ZBTB16: variants seen among roughly 807,000 people sequenced by gnomAD.
ZBTB16 encodes the protein zinc finger and BTB domain containing 16, also known as zinc finger and BTB domain-containing protein 16.
Under a neutral mutation model 56.8 loss-of-function variants are expected in ZBTB16, and 8 were observed. The ratio of observed to expected loss-of-function variants is 0.14; its 90% CI spans 0.08 to 0.25. The LOEUF (loss-of-function observed/expected upper bound fraction) is 0.25, where lower values mean the gene tolerates loss of function less well. Among genes scored for constraint, ZBTB16 ranks in the 10% least tolerant of loss-of-function variants. ZBTB16 has a pLI of 1.00. For synonymous variants in ZBTB16, 363 were observed against 368.5 expected (o/e 0.98, Z 0.17); for missense variants, 625 against 903.0 (o/e 0.69, Z 3.95).
At chr11:114,113,718 C>T (rs1029035413) in intron 2 of ZBTB16, among the ~76,000 whole-genome samples, 19 of 152,198 alleles carry the variant, frequency 1.2e-4, no homozygotes, top group Non-Finnish European at 2.8e-4. Context: ...TTTGAAATCC[C>T]TTATTCTACT....
chr11:114,146,757 G>A (rs1273277387), intron 2 of ZBTB16, among the ~76,000 whole-genome samples: 2 of 151,046 alleles, frequency 1.3e-5, no homozygotes, highest in Non-Finnish European at 1.5e-5. Context: ...GCTGAGGCAC[G>A]AGAATCGCCT....
intron 2 of ZBTB16, among the ~76,000 whole-genome samples, chr11:114,102,468 C>A (rs1415176004): frequency 6.6e-6 from 1 of 152,154 alleles, no homozygotes; most frequent in Non-Finnish European, 1.5e-5. Context: ...TCTCCTTCAT[C>A]ACAGCAGTGG....
At chr11:114,098,355 G>A (rs1379895077) in intron 2 of ZBTB16, among the ~76,000 whole-genome samples, 1 of 152,078 alleles carries the variant, frequency 6.6e-6, no homozygotes, top group East Asian at 1.9e-4. Flanking sequence ...GCGTGTGGGC[G>A]CACTGGCACG....
intron 3 of ZBTB16, among the ~76,000 whole-genome samples, chr11:114,157,253 T>G (rs1294227263): frequency 1.3e-5 from 2 of 152,186 alleles, no homozygotes; most frequent in African/African-American, 4.8e-5. Flanking sequence ...CCAGGCAGTT[T>G]GGCATTTGGG....
chr11:114,066,061 G>A (rs936305326), intron 2 of ZBTB16, among the ~76,000 whole-genome samples: 5 of 152,152 alleles, frequency 3.3e-5, no homozygotes, highest in African/African-American at 9.7e-5. Context: ...TGTCATTGAC[G>A]ACAGCATTTG....
chr11:114,119,262 CT>C (rs1941269973), intron 2 of ZBTB16, among the ~76,000 whole-genome samples: 1 of 45,642 alleles, frequency 2.2e-5, no homozygotes, highest in Admixed American at 3.8e-4. Context: ...GAAACTCTGT[CT>C]CAAAAAAAAA....
chr11:114,213,888 C>T (rs1318767819), intron 4 of ZBTB16, among the ~76,000 whole-genome samples: 1 of 152,108 alleles, frequency 6.6e-6, no homozygotes, highest in Non-Finnish European at 1.5e-5. Context: ...GGGGTTTGAT[C>T]CACCATGAAT....
chr11:114,256,020 TTG>T lies in ZBTB16; in HGVS notation c.*5467_*5468del, dbSNP rs1199899687. 4.8e-5 allele frequency among the ~76,000 whole-genome samples: 2 copies of T among 41,806 alleles called. No individual in the cohort carries two copies. Among genetic ancestry groups the T allele is most frequent in the East Asian group, 2.4e-3 (1 of 420 alleles). The allele number at this position is 41,806 out of a possible 152,430, so 27.4% of individuals were successfully genotyped here. On this transcript the variant is annotated 3_prime_UTR_variant, in exon 7 of 7. Coordinates refer to ENST00000335953, the MANE Select transcript of ZBTB16 (RefSeq NM_006006.6). ...TTTTATTGAAGTACTTGGTTTTGTT[TTG>T]TTTTTTTTTTTTGTTTTTTTTGCCT...
intron 2 of ZBTB16, chr11:114,121,770 G>A (rs2137805783): frequency 2.2e-6 from 1 of 455,278 alleles, no homozygotes. Context: ...TCGCAGTTTT[G>A]TAGCTTTTCA....
At chr11:114,182,658 A>G (rs770897382) in intron 3 of ZBTB16, among the ~76,000 whole-genome samples, 1 of 152,136 alleles carries the variant, frequency 6.6e-6, no homozygotes, top group African/African-American at 2.4e-5. Context: ...TGCTAGGTCC[A>G]TGCGCACCCG....
chr11:114,093,858 A>G (rs1212763586), intron 2 of ZBTB16, among the ~76,000 whole-genome samples: 5 of 152,244 alleles, frequency 3.3e-5, no homozygotes, highest in African/African-American at 9.6e-5. Flanking sequence ...TCTTTGAGAC[A>G]ACATGTCATA....
In ZBTB16 at chr11:114,205,138, G is replaced by A. The variant is rs189304775; in HGVS notation, c.1453+18100G>A. On this transcript the variant is annotated intron_variant, in intron 4 of 6. Transcript: ENST00000335953. ...TGAAAAAAAAATTTCGGCCGGGCGC[G>A]GTGGCTTATGCCTGTAATCCCAGCA... Among the ~76,000 whole-genome samples the A allele has an allele frequency of 4.6e-5, 7 of 152,200 alleles. No homozygotes were observed. In the East Asian group the frequency reaches 1.4e-3, roughly 30 times the overall value.
Position 114,187,034 on chromosome 11 carries a change from T to C in ZBTB16, c.1449T>C (p.His483=), listed in dbSNP as rs781426011. 1 of 1,614,086 alleles carries C rather than the reference T, an allele frequency of 6.2e-7. No homozygotes were observed. The highest frequency in any genetic ancestry group is 1.1e-5 in the South Asian group (1 of 91,082). The change falls in exon 4 of 7, where the codon CAT becomes CAC. Residue 483 remains histidine, a synonymous_variant. Transcript: ENST00000335953. ...EDALETHRQT[H]TGTDMAVFCL... ...CCCTGGAGACACACAGGCAGACCCATACTGGTGAGTTGACTTGGATTCCTG... is the reference window on the plus strand; with the variant it reads ...CCCTGGAGACACACAGGCAGACCCACACTGGTGAGTTGACTTGGATTCCTG...
At chr11:114,167,041 C>T (rs10891634) in intron 3 of ZBTB16, among the ~76,000 whole-genome samples, 1 of 152,222 alleles carries the variant, frequency 6.6e-6, no homozygotes, top group African/African-American at 2.4e-5. Flanking sequence ...CAGCAGCATT[C>T]TGTGGGCAAA....
intron 2 of ZBTB16, among the ~76,000 whole-genome samples, chr11:114,067,709 G>A (rs1939169406): frequency 6.6e-6 from 1 of 152,154 alleles, no homozygotes; most frequent in East Asian, 1.9e-4. Flanking sequence ...GCTGGGCCGA[G>A]AATGTGCTTT....
chr11:114,138,327 G>A (rs1480297921), intron 2 of ZBTB16, among the ~76,000 whole-genome samples: 1 of 152,146 alleles, frequency 6.6e-6, no homozygotes, highest in African/African-American at 2.4e-5. Context: ...TTTTGGAGGT[G>A]GTTGTGGTGT....
At chr11:114,248,575 C>T (rs562626473) in intron 6 of ZBTB16, among the ~76,000 whole-genome samples, 3 of 152,318 alleles carry the variant, frequency 2.0e-5, no homozygotes, top group Admixed American at 6.5e-5. Flanking sequence ...TCAGGGGAGA[C>T]AGCTGTCCTG....
chr11:114,171,275 C>G (rs190622031), intron 3 of ZBTB16, among the ~76,000 whole-genome samples: 1 of 152,372 alleles, frequency 6.6e-6, no homozygotes, highest in Admixed American at 6.5e-5. Flanking sequence ...GTATGTAGGA[C>G]TGTGATGACA....
At position 114,156,298 on chromosome 11, in the gene ZBTB16, C is replaced by A. The variant is rs761248844; in HGVS notation, c.1269-39C>A. On this transcript the variant is annotated intron_variant, in intron 2 of 6. Transcript: ENST00000335953. ...GGGGATGGCCCTGCCTCTTGTCCAG[C>A]CAGAGCAGCAGCAACCTCTCTTTTC... 3 of 1,606,328 alleles carry A rather than the reference C, an allele frequency of 1.9e-6. No homozygotes were observed. In the East Asian group the frequency reaches 6.7e-5, roughly 36 times the overall value.
Sources: allele counts gnomAD v4.1 joint callset (sites outside exome capture counted in the v4.1 genomes callset), GRCh38; gene constraint gnomAD v4.1.1; transcripts MANE v1.5; gene names NCBI Gene and HGNC (gene_info 2026-07-23, HGNC 2026-07-21).